PMS1: variants seen among roughly 807,000 people sequenced by gnomAD.
PMS1 encodes PMS1 protein homolog 1.
PMS1 carries 79 observed loss-of-function variants against 93.1 expected under a neutral mutation model. The ratio of observed to expected loss-of-function variants is 0.85; its 90% CI spans 0.71 to 1.02. PMS1 has a LOEUF of 1.02. Among genes scored for constraint, PMS1 ranks in the 50% least tolerant of loss-of-function variants. The pLI is 0.00. For missense variants in PMS1, 1,064 were observed against 1,085.3 expected (o/e 0.98, Z 0.28); for synonymous variants, 335 against 363.4 (o/e 0.92, Z 0.89).
At chr2:189,791,685 A>C in intron 1 of PMS1, 105 bp from the exon 2 acceptor site, 1 of 751,858 alleles carries the variant, frequency 1.3e-6, no homozygotes, top group Non-Finnish European at 2.3e-6. Flanking sequence ...GCATACAGTA[A>C]GTCTCAGTGA....
At chr2:189,836,572 C>T (rs945686626) in intron 5 of PMS1, among the ~76,000 whole-genome samples, 2 of 152,098 alleles carry the variant, frequency 1.3e-5, no homozygotes, top group African/African-American at 4.8e-5. Flanking sequence ...CCCAGTATTC[C>T]CAGTTCTTAT....
rs1258129707 is a variant in PMS1 at position 189,798,162 on chromosome 2, A to C, written c.315+2211A>C. Among the ~76,000 whole-genome samples the C allele has an allele frequency of 4.6e-5, 7 of 152,294 alleles. No homozygotes were observed. In the South Asian group the frequency reaches 8.3e-4, roughly 18 times the overall value. On this transcript the variant is annotated intron_variant, in intron 3 of 12. Coordinates refer to ENST00000441310, the MANE Select transcript of PMS1 (RefSeq NM_000534.5). The stretch of plus-strand genomic sequence containing the variant: ...TGTGGGTCACTGCCTCAGCATTGCT[A>C]GCTTATCCACTGCTTTCTACTGAAT...
intron 9 of PMS1, among the ~76,000 whole-genome samples, chr2:189,857,104 T>C (rs1227094928): frequency 2.0e-5 from 3 of 152,088 alleles, no homozygotes; most frequent in Non-Finnish European, 4.4e-5. Flanking sequence ...TTAAATAAGA[T>C]ATTGTGTGTT....
chr2:189,798,451 C>T (rs913118254), intron 3 of PMS1, among the ~76,000 whole-genome samples: 5 of 152,132 alleles, frequency 3.3e-5, no homozygotes, highest in African/African-American at 7.2e-5. Context: ...CTCTTAAAAC[C>T]GCTGTCCAAA....
chr2:189,807,520 C>T (rs5743022), intron 4 of PMS1, among the ~76,000 whole-genome samples: 5,147 of 152,192 alleles, frequency 0.034, 102 homozygotes, highest in South Asian at 0.063. Flanking sequence ...GTAATCTAGT[C>T]GCCTTATAAA....
At chr2:189,852,574 T>C in intron 6 of PMS1, 81 bp from the exon 7 acceptor site, 1 of 1,236,512 alleles carries the variant, frequency 8.1e-7, no homozygotes, top group Non-Finnish European at 1.2e-6. Context: ...TTTAATTTTT[T>C]TATACCTTTC....
chr2:189,823,317 C>T (rs2052115655), intron 5 of PMS1, among the ~76,000 whole-genome samples: 2 of 151,894 alleles, frequency 1.3e-5, no homozygotes, highest in Admixed American at 1.3e-4. Context: ...TACATGTGCA[C>T]AATGTGCAAG....
At chr2:189,845,419 T>C (rs1228099676) in intron 6 of PMS1, among the ~76,000 whole-genome samples, 2 of 152,188 alleles carry the variant, frequency 1.3e-5, no homozygotes, top group African/African-American at 4.8e-5. Flanking sequence ...TTTTCTTTGC[T>C]TAATAAATGG....
At chr2:189,823,399 T>C (rs908275924) in intron 5 of PMS1, among the ~76,000 whole-genome samples, 4 of 152,164 alleles carry the variant, frequency 2.6e-5, no homozygotes, top group African/African-American at 9.7e-5. Flanking sequence ...ATTAGGAATA[T>C]CTCCTAATGC....
At chr2:189,790,259 GT>G (rs1170942676) in intron 1 of PMS1, among the ~76,000 whole-genome samples, 1 of 152,182 alleles carries the variant, frequency 6.6e-6, no homozygotes, top group East Asian at 1.9e-4. Context: ...GACTAATGAT[GT>G]TTAAATGAGA....
At chr2:189,786,209 A>G (rs1559200867) in intron 1 of PMS1, among the ~76,000 whole-genome samples, 1 of 152,196 alleles carries the variant, frequency 6.6e-6, no homozygotes, top group Non-Finnish European at 1.5e-5. Flanking sequence ...GAGAGGAGGC[A>G]AAAATCCAGT....
chr2:189,792,147 G>T (rs370264306), intron 2 of PMS1, among the ~76,000 whole-genome samples: 1 of 152,042 alleles, frequency 6.6e-6, no homozygotes, highest in African/African-American at 2.4e-5. Context: ...AAATATAAAA[G>T]AAAACATGTT....
intron 12 of PMS1, among the ~76,000 whole-genome samples, chr2:189,875,887 G>T (rs2057516460): frequency 1.3e-5 from 2 of 148,828 alleles, no homozygotes; most frequent in African/African-American, 5.1e-5. Context: ...AACCCAGGAG[G>T]TGGAAGTTGG....
chr2:189,855,716 CATAA>C (rs2055251357), intron 9 of PMS1: 1 of 189,746 alleles, frequency 5.3e-6, no homozygotes, highest in African/African-American at 2.4e-5. Context: ...ATTTTTATTA[CATAA>C]ATAGGTGATT....
chr2:189,860,636 A>ATG (rs1267968563), intron 9 of PMS1, among the ~76,000 whole-genome samples: 2 of 152,058 alleles, frequency 1.3e-5, no homozygotes, highest in Admixed American at 6.6e-5. Flanking sequence ...ATCTTTTGAA[A>ATG]AGTAATGAGA....
At chr2:189,788,277 T>C (rs1312284964) in intron 1 of PMS1, among the ~76,000 whole-genome samples, 1 of 152,090 alleles carries the variant, frequency 6.6e-6, no homozygotes, top group Non-Finnish European at 1.5e-5. Context: ...GGGGTAGGGG[T>C]TAGAGGTGGG....
At chr2:189,836,775 A>G (rs1412491738) in intron 5 of PMS1, among the ~76,000 whole-genome samples, 1 of 152,202 alleles carries the variant, frequency 6.6e-6, no homozygotes, top group Non-Finnish European at 1.5e-5. Context: ...GTGTGAAATA[A>G]TGCTCCCAGA....
intron 2 of PMS1, 126 bp from the exon 3 acceptor site, chr2:189,795,643 A>T: frequency 1.3e-6 from 1 of 770,752 alleles, no homozygotes; most frequent in South Asian, 1.6e-5. Flanking sequence ...TTAAACTCTT[A>T]TATCCATAAT....
intron 5 of PMS1, 143 bp from the exon 6 acceptor site, chr2:189,843,821 C>T (rs570659633): frequency 7.0e-6 from 5 of 717,010 alleles, no homozygotes; most frequent in Admixed American, 6.2e-5. Context: ...TTCTGTCAGA[C>T]CTCATAGCTC....
Sources: gnomAD v4.1 joint callset for allele counts (sites outside exome capture counted in the v4.1 genomes callset) on GRCh38, gnomAD v4.1.1 for gene constraint, MANE v1.5 for transcripts, NCBI Gene and HGNC (gene_info 2026-07-23, HGNC 2026-07-21) for gene names.